The following DRICH1 variants were observed in gnomAD, a reference collection of about 807,000 sequenced individuals.
The protein encoded by DRICH1 is aspartate-rich protein 1.
A neutral mutation model predicts 39.5 loss-of-function variants in DRICH1; 38 were observed. The ratio of observed to expected loss-of-function variants is 0.96; its 90% confidence interval spans 0.74 to 1.26. The LOEUF (loss-of-function observed/expected upper bound fraction) is 1.26. DRICH1 is among the 50% of genes most tolerant of loss of function. The probability of loss-of-function intolerance (pLI) is 0.00; values close to 1 mark genes in which losing one functional copy is unlikely to be tolerated. For synonymous variants in DRICH1, 84 were observed against 99.5 expected, an observed-to-expected ratio of 0.84 and a Z score of 0.93; for missense variants, 279 against 270.4, an observed-to-expected ratio of 1.03 and a Z score of -0.22.
At chr22:23,603,898 G>T (rs552307433), downstream of DRICH1, among the ~76,000 whole-genome samples, 5 of 152,286 alleles carry the variant, frequency 3.3e-5, no homozygotes, top group Admixed American at 1.3e-4. Flanking sequence ...GCCTTCTGGG[G>T]ACACTTTGCA....
intron 10 of DRICH1, 114 bp downstream of exon 10, chr22:23,613,525 C>A: frequency 1.1e-6 from 1 of 949,262 alleles, no homozygotes; most frequent in South Asian, 1.3e-5. Context: ...CTGGCAGAAT[C>A]ACTTTCACGA....
At chr22:23,594,295 G>A in the DRICH1 span, among the ~76,000 whole-genome samples, 57,635 of 152,088 alleles carry the variant, frequency 0.38, 11,038 homozygotes, top group Admixed American at 0.45. Flanking sequence ...TTGGCTGGGT[G>A]TGGTGGCTCA....
At position 23,628,815 on chromosome 22, in the gene DRICH1, C is replaced by T. The variant is rs145051087; in HGVS notation, c.209-2767G>A. On this transcript the variant is annotated intron_variant, in intron 1 of 11. Coordinates refer to ENST00000317749, the MANE Select transcript of DRICH1 (RefSeq NM_016449.4). ...GGGACCTGATTCCTGCTCTGCCCCC[C>T]CACCAATTTCTGCCAGTGTCAACGG... Among the ~76,000 whole-genome samples the T allele has an allele frequency of 3.0e-3, 455 of 152,240 alleles. 4 individuals are homozygous for T. Among genetic ancestry groups the T allele is most frequent in the African/African-American group, 0.011 (437 of 41,528 alleles).
At chr22:23,591,304 C>A in the DRICH1 span, among the ~76,000 whole-genome samples, 1 of 152,234 alleles carries the variant, frequency 6.6e-6, no homozygotes. Flanking sequence ...CTGGTGGCCT[C>A]CCGCTGCAGG....
At chr22:23,593,980 A>AAAAAGAAAAAAG in the DRICH1 span, among the ~76,000 whole-genome samples, 21 of 137,210 alleles carry the variant, frequency 1.5e-4, no homozygotes, top group Middle Eastern at 0.018. Flanking sequence ...TCTGTCTCAA[A>AAAAAGAAAAAAG]AAAAAAAAAA....
the DRICH1 span, among the ~76,000 whole-genome samples, chr22:23,595,580 T>C: frequency 6.6e-6 from 1 of 152,198 alleles, no homozygotes; most frequent in Non-Finnish European, 1.5e-5. Flanking sequence ...AGTAAACACA[T>C]TGTTTATAGC....
the DRICH1 span, among the ~76,000 whole-genome samples, chr22:23,588,052 C>T: frequency 6.6e-5 from 10 of 152,144 alleles, no homozygotes; most frequent in Admixed American, 1.3e-4. Context: ...AGTCTCATAC[C>T]GAGGCCTCTT....
downstream of DRICH1, among the ~76,000 whole-genome samples, chr22:23,603,518 T>C (rs1361543550): frequency 6.6e-6 from 1 of 152,144 alleles, no homozygotes. Context: ...CAGAGACTCC[T>C]CCTGGATCTG....
chr22:23,620,651 G>C (rs776177405), intron 4 of DRICH1, 36 bp from the exon 5 acceptor site: 2 of 1,610,542 alleles, frequency 1.2e-6, no homozygotes, highest in East Asian at 2.2e-5. Context: ...ATGAGGATCA[G>C]ATCAATTCTG....
rs137989558 is a variant in DRICH1 at position 23,624,887 on chromosome 22, G to A, written c.294C>T (p.Val98=). 1.9e-4 allele frequency: 311 copies of A among 1,613,572 alleles called. 3 individuals carry two copies. The East Asian group carries it at 6.3e-3, about 33-fold the overall frequency. The change falls in exon 3 of 12, where the codon GTC becomes GTT. Residue 98 remains valine (V), a synonymous_variant. Coordinates refer to ENST00000317749, the MANE Select transcript of DRICH1 (RefSeq NM_016449.4). ...GAGTTAGTTCAAGGTACGTACCCTG[G>A]ACAGGTGATGGTAAAATCTGCAATG... The part of the protein sequence containing the change: ...NDDAKILPSP[V]QGSSEDNLSL...
At chr22:23,619,769 A>T (rs62238868) in intron 5 of DRICH1, among the ~76,000 whole-genome samples, 22 of 152,290 alleles carry the variant, frequency 1.4e-4, no homozygotes, top group African/African-American at 3.6e-4. Flanking sequence ...CACTGGAGCT[A>T]TTGCAGTGAG....
At chr22:23,595,273 G>C in the DRICH1 span, among the ~76,000 whole-genome samples, 1 of 148,856 alleles carries the variant, frequency 6.7e-6, no homozygotes, top group East Asian at 2.0e-4. Flanking sequence ...TGTGGTGAAA[G>C]TTCGTGTGTA....
At chr22:23,584,192 C>T in the DRICH1 span, among the ~76,000 whole-genome samples, 2 of 152,194 alleles carry the variant, frequency 1.3e-5, no homozygotes, top group African/African-American at 4.8e-5. Context: ...GAGATGTGTC[C>T]AGGCCTGGGC....
At chr22:23,609,338 A>G (rs1277500095) in intron 11 of DRICH1, among the ~76,000 whole-genome samples, 1 of 152,202 alleles carries the variant, frequency 6.6e-6, no homozygotes, top group Non-Finnish European at 1.5e-5. Flanking sequence ...TGCCTATCAT[A>G]AATGGGTATG....
chr22:23,587,037 G>T, the DRICH1 span, among the ~76,000 whole-genome samples: 1 of 152,276 alleles, frequency 6.6e-6, no homozygotes, highest in Admixed American at 6.5e-5. Flanking sequence ...GCACACGGGA[G>T]CTCTTCTCTA....
downstream of DRICH1, among the ~76,000 whole-genome samples, chr22:23,604,234 C>T (rs1011311347): frequency 6.6e-6 from 1 of 151,988 alleles, no homozygotes; most frequent in Non-Finnish European, 1.5e-5. Context: ...CCTGTCTAGC[C>T]TGCTCTCAGA....
chr22:23,601,146 G>GCGCACACA, the DRICH1 span, among the ~76,000 whole-genome samples: 513 of 146,206 alleles, frequency 3.5e-3, 3 homozygotes, highest in African/African-American at 0.012. Flanking sequence ...ACGCACGCGC[G>GCGCACACA]CACACACACA....
At chr22:23,581,555 TTTC>T in the DRICH1 span, 1 of 152,128 alleles carries the variant, frequency 6.6e-6, no homozygotes, top group Non-Finnish European at 1.5e-5. Flanking sequence ...TCAGTGTTGT[TTTC>T]TTCATCTGTG....
At chr22:23,611,541 A>G (rs113189894) in intron 11 of DRICH1, among the ~76,000 whole-genome samples, 15,789 of 151,866 alleles carry the variant, frequency 0.1, 1,106 homozygotes, top group Middle Eastern at 0.22. Flanking sequence ...ACAAGCGCCC[A>G]CCACCACACC....
Sources: allele counts gnomAD v4.1 joint callset (sites outside exome capture counted in the v4.1 genomes callset), GRCh38; gene constraint gnomAD v4.1.1; transcripts MANE v1.5; gene names NCBI Gene and HGNC (gene_info 2026-07-23, HGNC 2026-07-21).